Variants in PCDHA5 observed in about 807,000 individuals in gnomAD.
PCDHA5 encodes the protein protocadherin alpha-5.
Under a neutral mutation model 61.6 loss-of-function variants are expected in PCDHA5, and 43 were observed. That is an observed-to-expected ratio of 0.70 (90% CI 0.55 to 0.90). The LOEUF (loss-of-function observed/expected upper bound fraction) is 0.90, where lower values mean the gene tolerates loss of function less well. Ranked by LOEUF, PCDHA5 falls within the 40% of genes least tolerant of loss-of-function variation. The pLI, the probability that PCDHA5 is intolerant of heterozygous loss-of-function variation, is 0.00. For synonymous variants in PCDHA5, 627 were observed against 543.9 expected, an observed-to-expected ratio of 1.15 and a Z score of -2.13; for missense variants, 1,298 against 1,222.7, an observed-to-expected ratio of 1.06 and a Z score of -0.92.
chr5:140,848,861 G>C, intron 1 of PCDHA5: 1 of 1,590,758 alleles, frequency 6.3e-7, no homozygotes, highest in Non-Finnish European at 8.6e-7. Flanking sequence ...TGGACGTGGA[G>C]GTGAAGGACA....
intron 1 of PCDHA5, chr5:140,968,059 G>A (rs1554230273): frequency 6.2e-7 from 1 of 1,614,106 alleles, no homozygotes; most frequent in South Asian, 1.1e-5. Context: ...ACCGAGAGCG[G>A]GTGGCTGTCT....
At chr5:140,966,839 C>T (rs782091529) in intron 1 of PCDHA5, 14 of 1,567,058 alleles carry the variant, frequency 8.9e-6, no homozygotes, top group Non-Finnish European at 1.1e-5. Flanking sequence ...CTGGCTGCTG[C>T]TACTGCCTCT....
At chr5:140,842,728 G>T in intron 1 of PCDHA5, 2 of 1,595,050 alleles carry the variant, frequency 1.3e-6, no homozygotes, top group Non-Finnish European at 1.7e-6. Context: ...AGAACAACCC[G>T]CCGGGCTGCC....
chr5:140,869,747 C>A (rs1554163400), intron 1 of PCDHA5: 1 of 1,613,276 alleles, frequency 6.2e-7, no homozygotes. Context: ...CTAACAGCTA[C>A]AGACGGGGGA....
intron 1 of PCDHA5, chr5:140,866,443 C>T (rs974368547): frequency 2.0e-5 from 3 of 151,700 alleles, no homozygotes; most frequent in Non-Finnish European, 2.9e-5. Flanking sequence ...CTTCTTCAGT[C>T]TTATTGTTGG....
chr5:140,842,875 C>A (rs2150347019), intron 1 of PCDHA5: 1 of 1,593,980 alleles, frequency 6.3e-7, no homozygotes, highest in Non-Finnish European at 8.6e-7. Flanking sequence ...GCAAGGTGTA[C>A]GCGCTGCAGC....
In PCDHA5 at chr5:140,822,200, T is replaced by G; in HGVS notation, c.425T>G (p.Leu142Ter). 6.2e-7 allele frequency: 1 copy of G among 1,614,242 alleles called. No individual in the cohort carries two copies. The highest frequency in any genetic ancestry group is 8.5e-7 in the Non-Finnish European group (1 of 1,180,038). Residue 142 changes from leucine to a stop codon, truncating the protein, a stop_gained, in exon 1 of 4, where the codon TTA becomes TGA. Coordinates refer to ENST00000529859, the MANE Select transcript of PCDHA5 (RefSeq NM_018908.3). LOFTEE classifies it high-confidence loss of function. ...AGACAAGAACAAAGATTATTCATTT[T>G]AGAGTCAAGAATGCCAGATTCGCGG... ...FSRQEQRLFI[L>*]ESRMPDSRFP...
At chr5:140,836,372 C>T (rs2150258931) in intron 1 of PCDHA5, 5 of 1,613,738 alleles carry the variant, frequency 3.1e-6, no homozygotes, top group East Asian at 4.5e-5. Flanking sequence ...CAGCCACAGC[C>T]ACCGTGCTGG....
At position 140,844,249 on chromosome 5, in the gene PCDHA5, G is replaced by A. The variant is rs2150370021; in HGVS notation, c.2352+20122G>A. Among the ~76,000 whole-genome samples, 545 of 149,548 alleles carry A rather than the reference G, an allele frequency of 3.6e-3. 48 individuals carry two copies. The highest frequency in any genetic ancestry group is 5.8e-3 in the Non-Finnish European group (388 of 66,804). ...TGGTGTTTCACTATTGCCGTTTTAA[G>A]CAGTGTAGTGATAAAATACAGAATG... On this transcript the variant is annotated intron_variant, in intron 1 of 3. Coordinates refer to ENST00000529859, the MANE Select transcript of PCDHA5 (RefSeq NM_018908.3).
intron 1 of PCDHA5, among the ~76,000 whole-genome samples, chr5:140,951,214 T>C (rs994639576): frequency 1.3e-5 from 2 of 152,218 alleles, no homozygotes; most frequent in African/African-American, 2.4e-5. Context: ...ATCTCAGGTT[T>C]GGATTCTTGA....
intron 3 of PCDHA5, among the ~76,000 whole-genome samples, chr5:141,003,395 T>G (rs1217089473): frequency 6.6e-6 from 1 of 152,160 alleles, no homozygotes; most frequent in Non-Finnish European, 1.5e-5. Flanking sequence ...CACTGAAACC[T>G]CCGCCTCCCG....
At chr5:140,966,233 C>T (rs1554228161) in intron 1 of PCDHA5, 1 of 287,374 alleles carries the variant, frequency 3.5e-6, no homozygotes, top group Non-Finnish European at 6.4e-6. Flanking sequence ...CCTTAAAGAC[C>T]CGTTAAGCAG....
At chr5:140,858,318 G>A (rs1441459097) in intron 1 of PCDHA5, 1 of 1,596,952 alleles carries the variant, frequency 6.3e-7, no homozygotes, top group African/African-American at 1.3e-5. Flanking sequence ...CAGAGGGTGT[G>A]TTCTGGGGAG....
intron 3 of PCDHA5, among the ~76,000 whole-genome samples, chr5:140,991,634 A>G (rs1261533190): frequency 5.9e-5 from 9 of 152,196 alleles, no homozygotes; most frequent in African/African-American, 1.7e-4. Flanking sequence ...TGTAATAACA[A>G]TCTGTTCATG....
At chr5:140,852,945 C>G in intron 1 of PCDHA5, 1 of 522,890 alleles carries the variant, frequency 1.9e-6, no homozygotes, top group Non-Finnish European at 2.5e-6. Context: ...GTGGTGCCAT[C>G]TTGGCTCACT....
At chr5:140,849,732 C>T (rs2150447355) in intron 1 of PCDHA5, 6 of 1,598,488 alleles carry the variant, frequency 3.8e-6, no homozygotes, top group Non-Finnish European at 5.1e-6. Flanking sequence ...GGACAGAGCT[C>T]TGGACCGCGA....
At chr5:140,899,841 T>C (rs2067584927) in intron 1 of PCDHA5, among the ~76,000 whole-genome samples, 1 of 152,208 alleles carries the variant, frequency 6.6e-6, no homozygotes, top group Non-Finnish European at 1.5e-5. Flanking sequence ...CAGGTCTTGC[T>C]GTGTCACCCA....
At chr5:140,924,550 C>T (rs2081897316) in intron 1 of PCDHA5, among the ~76,000 whole-genome samples, 1 of 152,096 alleles carries the variant, frequency 6.6e-6, no homozygotes, top group Non-Finnish European at 1.5e-5. Context: ...CTCTCCCCAC[C>T]ATTTTAATCA....
chr5:140,863,469 G>T, intron 1 of PCDHA5: 3 of 498,172 alleles, frequency 6.0e-6, no homozygotes, highest in South Asian at 4.7e-5. Context: ...TTACTCTGGA[G>T]AGTCGCCTCC....
Sources: allele counts gnomAD v4.1 joint callset (sites outside exome capture counted in the v4.1 genomes callset), GRCh38; gene constraint gnomAD v4.1.1; transcripts MANE v1.5; gene names NCBI Gene and HGNC (gene_info 2026-07-23, HGNC 2026-07-21).